NFIB: variants seen among roughly 807,000 people sequenced by gnomAD.
The protein encoded by NFIB is nuclear factor 1 B-type.
NFIB carries 11 observed loss-of-function variants against 61.5 expected under a neutral mutation model. The ratio of observed to expected loss-of-function variants is 0.18; its 90% CI spans 0.11 to 0.30. The LOEUF (loss-of-function observed/expected upper bound fraction) is 0.30. NFIB is among the 10% of genes least tolerant of loss of function. NFIB has a pLI of 1.00. For missense variants in NFIB, 471 were observed against 608.9 expected (o/e 0.77, Z 2.38); for synonymous variants, 260 against 216.5 (o/e 1.20, Z -1.76).
chr9:14,247,456 AGGACTACTCCATT>A (rs1554687450), intron 2 of NFIB, among the ~76,000 whole-genome samples: 1 of 152,162 alleles, frequency 6.6e-6, no homozygotes, highest in Non-Finnish European at 1.5e-5. Flanking sequence ...CCTAGAAAAA[AGGACTACTCCATT>A]TCTCACAGGA....
chr9:14,417,572 G>GT, the NFIB span, among the ~76,000 whole-genome samples: 1 of 152,138 alleles, frequency 6.6e-6, no homozygotes, highest in African/African-American at 2.4e-5. Flanking sequence ...TCAGCACATG[G>GT]TAACACCTCA....
the NFIB span, among the ~76,000 whole-genome samples, chr9:14,470,266 G>T: frequency 6.6e-6 from 1 of 152,106 alleles, no homozygotes; most frequent in Non-Finnish European, 1.5e-5. Context: ...AACTCTGTGT[G>T]TCTGCTCCAT....
At chr9:14,373,249 T>C (rs1315740803) in intron 1 of NFIB, among the ~76,000 whole-genome samples, 1 of 152,230 alleles carries the variant, frequency 6.6e-6, no homozygotes, top group Non-Finnish European at 1.5e-5. Context: ...TTGGAACATG[T>C]ACACCTGGGA....
intron 1 of NFIB, chr9:14,362,730 A>G (rs1046005970): frequency 3.3e-5 from 5 of 151,986 alleles, no homozygotes; most frequent in African/African-American, 4.8e-5. Flanking sequence ...ACACATCTCT[A>G]TGACAAATCT....
intron 2 of NFIB, among the ~76,000 whole-genome samples, chr9:14,227,105 C>T (rs1013971642): frequency 1.4e-5 from 2 of 145,220 alleles, no homozygotes; most frequent in Non-Finnish European, 3.0e-5. Context: ...CACGCCATTG[C>T]ACTCCAGCCT....
chr9:14,206,251 T>G (rs967307979), intron 2 of NFIB, among the ~76,000 whole-genome samples: 9 of 151,102 alleles, frequency 6.0e-5, no homozygotes, highest in African/African-American at 1.9e-4. Flanking sequence ...CTCGGCTCAC[T>G]CGCAACCTCC....
At chr9:14,221,223 C>A (rs555133334) in intron 2 of NFIB, among the ~76,000 whole-genome samples, 1 of 152,274 alleles carries the variant, frequency 6.6e-6, no homozygotes, top group South Asian at 2.1e-4. Context: ...AACCGCTCTA[C>A]CTAAATTCCA....
At chr9:14,186,548 G>C (rs2047352872) in intron 2 of NFIB, among the ~76,000 whole-genome samples, 1 of 152,166 alleles carries the variant, frequency 6.6e-6, no homozygotes, top group Non-Finnish European at 1.5e-5. Flanking sequence ...GTATTTTATA[G>C]TAGGGAAATA....
intron 1 of NFIB, among the ~76,000 whole-genome samples, chr9:14,332,811 T>A (rs1036971410): frequency 1.3e-5 from 2 of 150,294 alleles, no homozygotes; most frequent in Non-Finnish European, 3.0e-5. Flanking sequence ...GGATGGGGAG[T>A]GGGAGGGGAA....
intron 1 of NFIB, among the ~76,000 whole-genome samples, chr9:14,311,893 C>T (rs2060296486): frequency 1.3e-5 from 2 of 152,038 alleles, no homozygotes; most frequent in African/African-American, 4.8e-5. Context: ...CACAGCTTAT[C>T]AGAAAGAGAA....
chr9:14,325,327 C>T (rs1182232345), intron 1 of NFIB, among the ~76,000 whole-genome samples: 1 of 152,088 alleles, frequency 6.6e-6, no homozygotes, highest in Non-Finnish European at 1.5e-5. Context: ...TTCCATAGAA[C>T]TTACCAGAAG....
chr9:14,316,001 C>T (rs1384984134), upstream of NFIB, among the ~76,000 whole-genome samples: 1 of 152,040 alleles, frequency 6.6e-6, no homozygotes. Flanking sequence ...CTCTTTCCAC[C>T]GCTTCCCAGC....
chr9:14,488,686 T>A, the NFIB span, among the ~76,000 whole-genome samples: 1 of 152,146 alleles, frequency 6.6e-6, no homozygotes, highest in African/African-American at 2.4e-5. Context: ...AGCCTCAACC[T>A]TCCTTGAGTA....
At chr9:14,125,169 T>G (rs573619718) in intron 7 of NFIB, among the ~76,000 whole-genome samples, 10 of 152,342 alleles carry the variant, frequency 6.6e-5, no homozygotes, top group Non-Finnish European at 1.0e-4. Flanking sequence ...CTTTCTTTTT[T>G]CTTTTTGAGA....
Position 14,164,542 on chromosome 9 carries a change from G to C in NFIB, c.617-8649C>G, listed in dbSNP as rs181076803. ...CCACTGCCATATGTAATCTGTCTTC[G>C]ACTGACCTATCATGATGTGGTACAT... On this transcript the variant is annotated intron_variant, in intron 3 of 10. Coordinates refer to ENST00000380953, the MANE Select transcript of NFIB (RefSeq NM_001190737.2). Among the ~76,000 whole-genome samples, 5 of 152,006 alleles carry C rather than the reference G, an allele frequency of 3.3e-5. No individual in the cohort carries two copies. The East Asian group carries it at 5.8e-4, about 18-fold the overall frequency.
At chr9:14,438,093 G>T in the NFIB span, among the ~76,000 whole-genome samples, 1 of 151,656 alleles carries the variant, frequency 6.6e-6, no homozygotes, top group African/African-American at 2.4e-5. Flanking sequence ...AGAGATTGGT[G>T]GGGGGTAGAT....
chr9:14,215,208 C>G (rs923990959), intron 2 of NFIB, among the ~76,000 whole-genome samples: 3 of 151,052 alleles, frequency 2.0e-5, no homozygotes, highest in Non-Finnish European at 2.9e-5. Context: ...AAGACATCAA[C>G]TTTCACATCA....
At position 14,328,447 on chromosome 9, in the gene NFIB, C is replaced by G. The variant is rs538254587; in HGVS notation, c.109-20927G>C. ...TATAGGCGTGAGCCATGGCATGGGGCCCTGAGCTGCCCTTAATATATATAT... is the reference window on the plus strand; with the variant it reads ...TATAGGCGTGAGCCATGGCATGGGGGCCTGAGCTGCCCTTAATATATATAT... On this transcript the variant is annotated intron_variant, in intron 1 of 8. Coordinates refer to the NFIB transcript ENST00000380934. Among the ~76,000 whole-genome samples, 16 of 152,182 alleles carry G rather than the reference C, an allele frequency of 1.1e-4. No individual in the cohort carries two copies. The South Asian group carries it at 3.1e-3, about 30-fold the overall frequency.
intron 2 of NFIB, among the ~76,000 whole-genome samples, chr9:14,258,532 GTGAATTCTTTCTGCTGCTGCCAACT>G (rs2056444802): frequency 6.6e-6 from 1 of 152,196 alleles, no homozygotes; most frequent in Non-Finnish European, 1.5e-5. Context: ...TACATTCCCT[GTGAATTCTTTCTGCTGCTGCCAACT>G]TATAGTATTT....
Sources: gnomAD v4.1 joint callset for allele counts (sites outside exome capture counted in the v4.1 genomes callset) on GRCh38, gnomAD v4.1.1 for gene constraint, MANE v1.5 for transcripts, NCBI Gene and HGNC (gene_info 2026-07-23, HGNC 2026-07-21) for gene names.